FRMD3: variants seen among roughly 807,000 people sequenced by gnomAD.
FRMD3 encodes FERM domain containing 3.
Under a neutral mutation model 70.2 loss-of-function variants are expected in FRMD3, and 33 were observed. The ratio of observed to expected loss-of-function variants is 0.47; its 90% CI spans 0.36 to 0.63. The LOEUF is 0.63. FRMD3 is among the 20% of genes least tolerant of loss of function. The pLI is 0.00. For synonymous variants in FRMD3, 279 were observed against 255.9 expected, an observed-to-expected ratio of 1.09 and a Z score of -0.86; for missense variants, 632 against 711.4, an observed-to-expected ratio of 0.89 and a Z score of 1.27.
At chr9:83,316,307 C>T (rs1835574912) in intron 6 of FRMD3, among the ~76,000 whole-genome samples, 1 of 151,698 alleles carries the variant, frequency 6.6e-6, no homozygotes, top group South Asian at 2.1e-4. Context: ...TACTGGTGCC[C>T]GCCACCACAC....
At chr9:83,377,195 T>C (rs576184953) in intron 2 of FRMD3, among the ~76,000 whole-genome samples, 2 of 152,294 alleles carry the variant, frequency 1.3e-5, no homozygotes, top group South Asian at 2.1e-4. Context: ...ATCTTTAATA[T>C]GTTTTCTTTC....
At chr9:83,508,022 A>T (rs1245066764) in intron 1 of FRMD3, among the ~76,000 whole-genome samples, 1 of 152,040 alleles carries the variant, frequency 6.6e-6, no homozygotes, top group South Asian at 2.1e-4. Flanking sequence ...AGTGTCCTAT[A>T]TGCAGTCTGG....
the FRMD3 span, among the ~76,000 whole-genome samples, chr9:83,556,110 A>G: frequency 1.4e-4 from 22 of 151,996 alleles, no homozygotes; most frequent in African/African-American, 4.6e-4. Context: ...ACAGCCACAC[A>G]CACACTATCT....
chr9:83,338,315 G>A (rs1823645323), intron 5 of FRMD3, among the ~76,000 whole-genome samples: 1 of 152,242 alleles, frequency 6.6e-6, no homozygotes, highest in African/African-American at 2.4e-5. Flanking sequence ...TGCTCCTCCA[G>A]AGAGCAAGGT....
At chr9:83,540,908 G>A (rs1163995763), upstream of FRMD3, among the ~76,000 whole-genome samples, 1 of 152,028 alleles carries the variant, frequency 6.6e-6, no homozygotes, top group Admixed American at 6.6e-5. Context: ...TTGAATTATC[G>A]GCCTCACAAG....
chr9:83,570,973 G>A, the FRMD3 span, among the ~76,000 whole-genome samples: 1 of 152,270 alleles, frequency 6.6e-6, no homozygotes, highest in East Asian at 1.9e-4. Flanking sequence ...CTATGTTTTG[G>A]ATTTAGTCTG....
At chr9:83,326,668 A>C (rs996209268) in intron 6 of FRMD3, among the ~76,000 whole-genome samples, 2 of 152,314 alleles carry the variant, frequency 1.3e-5, no homozygotes, top group East Asian at 3.9e-4. Context: ...TGAATCTCCC[A>C]CTGGGCATCT....
chr9:83,575,773 G>A, the FRMD3 span, among the ~76,000 whole-genome samples: 14 of 152,132 alleles, frequency 9.2e-5, no homozygotes, highest in African/African-American at 2.4e-4. Context: ...AACTTCCGAC[G>A]AGGAAAAGTA....
chr9:83,375,465 G>A (rs1178004512), intron 2 of FRMD3, among the ~76,000 whole-genome samples: 2 of 152,174 alleles, frequency 1.3e-5, no homozygotes, highest in African/African-American at 4.8e-5. Flanking sequence ...TTCCAGAACA[G>A]CTATTCTTCC....
the FRMD3 span, among the ~76,000 whole-genome samples, chr9:83,561,786 G>A: frequency 3.9e-5 from 6 of 152,312 alleles, no homozygotes; most frequent in Admixed American, 3.9e-4. Flanking sequence ...GGGAAATAGA[G>A]AAGAGCATGT....
intron 6 of FRMD3, among the ~76,000 whole-genome samples, chr9:83,332,762 A>T (rs1472775073): frequency 6.6e-6 from 1 of 152,194 alleles, no homozygotes; most frequent in Non-Finnish European, 1.5e-5. Context: ...CCCCAACAAA[A>T]GCCAACTGGA....
intron 13 of FRMD3, chr9:83,266,890 C>T: frequency 2.0e-6 from 2 of 1,024,364 alleles, no homozygotes; most frequent in Admixed American, 2.4e-5. Flanking sequence ...TCTCTCTTTT[C>T]ATCCTTATCA....
At chr9:83,433,782 T>A (rs1654717028) in intron 1 of FRMD3, among the ~76,000 whole-genome samples, 1 of 152,152 alleles carries the variant, frequency 6.6e-6, no homozygotes, top group Non-Finnish European at 1.5e-5. Context: ...TGCACCCCTA[T>A]GAGAATCTAA....
At chr9:83,265,234 A>C (rs2118740328) in intron 13 of FRMD3, among the ~76,000 whole-genome samples, 1 of 152,048 alleles carries the variant, frequency 6.6e-6, no homozygotes, top group Middle Eastern at 3.4e-3. Flanking sequence ...CCCCGTCTCT[A>C]CTAAAAATAC....
intron 1 of FRMD3, among the ~76,000 whole-genome samples, chr9:83,432,285 C>T (rs1409641337): frequency 6.6e-6 from 1 of 152,236 alleles, no homozygotes; most frequent in African/African-American, 2.4e-5. Flanking sequence ...ACTTCTACAG[C>T]TCTGGCCTTG....
chr9:83,554,586 A>G, the FRMD3 span, among the ~76,000 whole-genome samples: 1 of 152,232 alleles, frequency 6.6e-6, no homozygotes, highest in Non-Finnish European at 1.5e-5. Flanking sequence ...TGGGAGACAG[A>G]CTGGCCTCCT....
rs779982501 is a variant in FRMD3 at position 83,248,024 on chromosome 9, C to A, written c.1688G>T (p.Arg563Leu). 4 of 1,613,980 alleles carry A rather than the reference C, an allele frequency of 2.5e-6. No individual in the cohort carries two copies. Among genetic ancestry groups the A allele is most frequent in the Non-Finnish European group, 2.5e-6 (3 of 1,180,032 alleles). ...GIDLSFLCEI[R>L]QTPEFEQFHY... Reference sequence around the variant, plus strand: ...AAACTGCTCAAACTCTGGTGTCTGGCGGATTTCGCATAAGAAGGAGAGATC... The same window carrying A: ...AAACTGCTCAAACTCTGGTGTCTGGAGGATTTCGCATAAGAAGGAGAGATC... The change falls in exon 14 of 14, where the codon CGC (arginine) becomes CTC (leucine). Residue 563 changes from arginine (R) to leucine (L), a missense_variant. Physicochemically the swap from Arg to Leu is moderately radical, Grantham distance 102 (BLOSUM62 -2). Coordinates refer to ENST00000304195, the MANE Select transcript of FRMD3 (RefSeq NM_174938.6).
chr9:83,264,152 C>T (rs1833119986), intron 13 of FRMD3, among the ~76,000 whole-genome samples: 1 of 152,072 alleles, frequency 6.6e-6, no homozygotes, highest in Non-Finnish European at 1.5e-5. Flanking sequence ...CTAAGAAATG[C>T]CATGAAAAGC....
chr9:83,540,179 A>G (rs951578835), upstream of FRMD3, among the ~76,000 whole-genome samples: 2 of 152,196 alleles, frequency 1.3e-5, no homozygotes, highest in African/African-American at 4.8e-5. Flanking sequence ...CAGGGATGGG[A>G]CCTGCCCCAA....
Sources: allele counts gnomAD v4.1 joint callset (sites outside exome capture counted in the v4.1 genomes callset), GRCh38; gene constraint gnomAD v4.1.1; transcripts MANE v1.5; gene names NCBI Gene and HGNC (gene_info 2026-07-23, HGNC 2026-07-21).